CABLES2: variants seen among roughly 807,000 people sequenced by gnomAD.
The protein encoded by CABLES2 is Cdk5 and Abl enzyme substrate 2.
Under a neutral mutation model 44.8 loss-of-function variants are expected in CABLES2, and 35 were observed. The observed-to-expected ratio is 0.78, with a 90% confidence interval of 0.60 to 1.04. CABLES2 has a LOEUF of 1.04. CABLES2 is among the 50% of genes least tolerant of loss of function. CABLES2 has a pLI of 0.00. For synonymous variants in CABLES2, 282 were observed against 281.1 expected (o/e 1.00, Z -0.03); for missense variants, 566 against 615.7 (o/e 0.92, Z 0.85).
intron 5 of CABLES2, 65 bp downstream of exon 5, chr20:62,394,092 G>C: frequency 7.8e-7 from 1 of 1,280,040 alleles, no homozygotes; most frequent in East Asian, 2.3e-5. Flanking sequence ...ACTGACGTGG[G>C]ACTGCTCCCA....
At chr20:62,398,193 A>ATGATGGTGGTGGTGATGATGG (rs1988108059) in intron 1 of CABLES2, among the ~76,000 whole-genome samples, 2 of 30,050 alleles carry the variant, frequency 6.7e-5, no homozygotes, top group Non-Finnish European at 1.1e-4. Flanking sequence ...GGTGATGGTG[A>ATGATGGTGGTGGTGATGATGG]TGATGGTGGT....
intron 1 of CABLES2, chr20:62,405,529 C>T (rs576165323): frequency 6.6e-6 from 1 of 152,468 alleles, no homozygotes; most frequent in East Asian, 1.9e-4. Context: ...GGAACACTTC[C>T]AAGGATGGAG....
chr20:62,403,099 C>G (rs756184899), intron 1 of CABLES2: 1 of 152,316 alleles, frequency 6.6e-6, no homozygotes, highest in Non-Finnish European at 1.5e-5. Flanking sequence ...ATGGCTGCAC[C>G]CTGGCTCTTT....
intron 1 of CABLES2, among the ~76,000 whole-genome samples, chr20:62,397,512 A>G (rs1395405744): frequency 1.3e-5 from 2 of 152,192 alleles, no homozygotes; most frequent in Non-Finnish European, 2.9e-5. Flanking sequence ...CTCAGGGCAC[A>G]ATGCCCACTG....
intron 1 of CABLES2, among the ~76,000 whole-genome samples, chr20:62,401,285 C>T (rs1259010411): frequency 2.6e-5 from 4 of 152,226 alleles, no homozygotes; most frequent in African/African-American, 7.2e-5. Context: ...GGGAGGACGC[C>T]GCTTTGGCCT....
chr20:62,392,519 TG>T (rs777040957), intron 7 of CABLES2, 24 bp from the exon 8 acceptor site: 33 of 1,556,362 alleles, frequency 2.1e-5, no homozygotes, highest in Non-Finnish European at 2.9e-5. Flanking sequence ...TGGGCAGGGT[TG>T]GGCCGGCCCC....
At chr20:62,398,131 CGGTGGTGAT>C (rs1988096026) in intron 1 of CABLES2, among the ~76,000 whole-genome samples, 2 of 39,968 alleles carry the variant, frequency 5.0e-5, no homozygotes, top group Non-Finnish European at 9.6e-5. Context: ...GTGGTTATGA[CGGTGGTGAT>C]GGTGGTGGTG....
At chr20:62,399,286 C>T (rs548663879) in intron 1 of CABLES2, among the ~76,000 whole-genome samples, 12 of 143,262 alleles carry the variant, frequency 8.4e-5, no homozygotes, top group African/African-American at 2.7e-4. Context: ...CACTCTGTTG[C>T]CCAGGCTGGA....
intron 1 of CABLES2, among the ~76,000 whole-genome samples, chr20:62,398,270 G>GGTGATGTGATGGTGGTGGTGGTGA (rs1569018003): frequency 8.6e-6 from 1 of 116,648 alleles, no homozygotes. Flanking sequence ...GATGGTGATG[G>GGTGATGTGATGGTGGTGGTGGTGA]CGGTGGTGGT....
intron 1 of CABLES2, among the ~76,000 whole-genome samples, chr20:62,399,143 T>A (rs2052746600): frequency 6.6e-6 from 1 of 152,130 alleles, no homozygotes; most frequent in Admixed American, 6.6e-5. Context: ...AGAGATGGGG[T>A]TTCACCATAT....
At chr20:62,401,667 A>G (rs2427320) in intron 1 of CABLES2, among the ~76,000 whole-genome samples, 36,419 of 152,262 alleles carry the variant, frequency 0.24, 4,524 homozygotes, top group African/African-American at 0.3. Flanking sequence ...CATGCACAGC[A>G]TGCTGCAGGT....
In CABLES2 at chr20:62,396,149, T is replaced by G. The variant is rs1988014370; in HGVS notation, c.527+166A>C. On this transcript the variant is annotated intron_variant, in intron 3 of 9. Transcript: ENST00000279101. This position sits in a 1 kb window ranked among gnomAD's most constrained non-coding sequence, Gnocchi z 5.7. The stretch of plus-strand genomic sequence containing the variant: ...GGGACCTGCGGGTGCTCGGCTGATG[T>G]GGAGCAAGCAGTGTGGTGGGGAGGA... Among the ~76,000 whole-genome samples the G allele has an allele frequency of 6.6e-6, 1 of 151,962 alleles. No individual in the cohort carries two copies. Among genetic ancestry groups the G allele is most frequent in the South Asian group, 2.1e-4 (1 of 4,826 alleles).
rs1569014512 is a variant in CABLES2, at chr20:62,391,440, T to C, written c.1105A>G (p.Met369Val). ...CTGCACTCCTCCGACAGGCTCCGCA[T>C]CTCCCGCTTTAAGCTGTGGGTTAAG... Reference protein sequence around the residue: ...LSKIRSLKREMRSLSEECSLE... With the variant: ...LSKIRSLKREVRSLSEECSLE... The change falls in exon 9 of 10, where the codon ATG becomes GTG. Residue 369 changes from methionine (M) to valine (V), a missense_variant. Met to Val is a conservative substitution (Grantham distance 21). Transcript: ENST00000279101. This position sits in a 1 kb window ranked among gnomAD's most constrained non-coding sequence, Gnocchi z 5.7. 1 of 1,612,908 alleles carries C rather than the reference T, an allele frequency of 6.2e-7. No individual in the cohort carries two copies. The highest frequency in any genetic ancestry group is 8.5e-7 in the Non-Finnish European group (1 of 1,179,976).
rs1038431977 is a variant in CABLES2, at chr20:62,393,463, G to T, written c.857C>A (p.Ser286Ter). The change falls in exon 6 of 10, where the codon TCG becomes TAG. Residue 286 changes from serine (S) to a stop codon, truncating the protein, a stop_gained. Coordinates refer to ENST00000279101, the MANE Select transcript of CABLES2 (RefSeq NM_031215.3). LOFTEE classifies it high-confidence loss of function. ...ACCTAGTTCTGTGCTGGCTGGTGCC[G>T]ACTTGGTGGGGGCAGGTTTATGTCT... The part of the protein sequence containing the change: ...GSRHKPAPTK[S>*]APASTELGSD... 2 of 1,610,340 alleles carry T rather than the reference G, an allele frequency of 1.2e-6. No homozygotes were observed. Among genetic ancestry groups the T allele is most frequent in the Non-Finnish European group, 8.5e-7 (1 of 1,178,090 alleles).
chr20:62,393,234 G>A (rs1360301554), intron 6 of CABLES2, among the ~76,000 whole-genome samples: 1 of 152,274 alleles, frequency 6.6e-6, no homozygotes, highest in Non-Finnish European at 1.5e-5. Flanking sequence ...GGTGGATGCA[G>A]CTCCTCCCCA....
At chr20:62,398,040 G>GTTA (rs1988074262) in intron 1 of CABLES2, among the ~76,000 whole-genome samples, 1 of 144,282 alleles carries the variant, frequency 6.9e-6, no homozygotes, top group Non-Finnish European at 1.5e-5. Context: ...GACAGTGATG[G>GTTA]TGATGGTGGT....
chr20:62,394,991 C>G lies in CABLES2; in HGVS notation c.551G>C (p.Arg184Pro). The G allele has an allele frequency of 6.2e-6, 10 of 1,612,928 alleles. No individual in the cohort carries two copies. The highest frequency in any genetic ancestry group is 8.5e-6 in the Non-Finnish European group (10 of 1,179,942). Residue 184 changes from arginine to proline, a missense_variant, in exon 4 of 10, where the codon CGG (arginine) becomes CCG (proline). This residue lies in a region of CABLES2 where 436 missense variants were observed against 536.3 expected (regional missense o/e 0.81). Coordinates refer to ENST00000279101, the MANE Select transcript of CABLES2 (RefSeq NM_031215.3). The stretch of plus-strand genomic sequence containing the variant: ...GACCGAGAAGGCCGCGCACAGGGAC[C>G]GCTTGGCACAGATGAGCACGATCCT... ...NSRIVLICAK[R>P]SLCAAFSVLP...
chr20:62,393,366 G>A, intron 6 of CABLES2, 74 bp downstream of exon 6: 1 of 1,434,720 alleles, frequency 7.0e-7, no homozygotes, highest in Non-Finnish European at 9.5e-7. Context: ...TGCTGATGCT[G>A]CTGCAGTCCC....
Position 62,390,054 on chromosome 20 carries a change from C to G in CABLES2, c.*917G>C, listed in dbSNP as rs1488469394. 6.6e-6 allele frequency: 1 copy of G among 151,536 alleles called. No homozygotes were observed. Among genetic ancestry groups the G allele is most frequent in the African/African-American group, 2.4e-5 (1 of 41,250 alleles). The allele number at this position is 151,536 out of a possible 1,614,324, so 9.4% of individuals were successfully genotyped here. On this transcript the variant is annotated 3_prime_UTR_variant, in exon 10 of 10. Coordinates refer to ENST00000279101, the MANE Select transcript of CABLES2 (RefSeq NM_031215.3). ...GACCTCATTTAACCATTTTTTGTTC[C>G]CTTAAAAAAAAAAGACCCAAAAAAC...
Sources: gnomAD v4.1 joint callset for allele counts (sites outside exome capture counted in the v4.1 genomes callset) on GRCh38, gnomAD v4.1.1 for gene constraint, gnomAD v4.1.1 regional missense constraint, Gnocchi (gnomAD v3.1) non-coding constraint, MANE v1.5 for transcripts, NCBI Gene and HGNC (gene_info 2026-07-23, HGNC 2026-07-21) for gene names.